MERTK: variants seen among roughly 807,000 people sequenced by gnomAD.
The protein encoded by MERTK is MER proto-oncogene, tyrosine kinase, also known as tyrosine-protein kinase Mer.
Under a neutral mutation model 99.3 loss-of-function variants are expected in MERTK, and 69 were observed. That is an observed-to-expected ratio of 0.70 (90% CI 0.57 to 0.85). The LOEUF is 0.85. MERTK is among the 40% of genes least tolerant of loss of function. MERTK has a pLI of 0.00. For missense variants in MERTK, 1,125 were observed against 1,249.4 expected (o/e 0.90, Z 1.50); for synonymous variants, 426 against 467.6 (o/e 0.91, Z 1.15).
chr2:111,965,238 G>A lies in MERTK; in HGVS notation c.805G>A (p.Gly269Arg). 1 of 1,614,218 alleles carries A rather than the reference G, an allele frequency of 6.2e-7. No homozygotes were observed. The highest frequency in any genetic ancestry group is 8.5e-7 in the Non-Finnish European group (1 of 1,180,040). Residue 269 changes from glycine (G) to arginine (R), a missense_variant, in exon 5 of 19, where the codon GGG (glycine) becomes AGG (arginine). Physicochemically the swap from Gly to Arg is moderately radical, Grantham distance 125. Transcript: ENST00000295408. ...CAGTTGTGAGGCCCACAATGACAAA[G>A]GGCTGACCGTGTCCAAGGGAGTGCA... ...VFSCEAHNDK[G>R]LTVSKGVQIN...
At chr2:111,998,122 C>T (rs34527376) in intron 10 of MERTK, among the ~76,000 whole-genome samples, 35,003 of 152,092 alleles carry the variant, frequency 0.23, 4,350 homozygotes, top group Middle Eastern at 0.36. Flanking sequence ...TTGCCATAGG[C>T]GTGGGAAGGG....
At chr2:111,969,485 A>G (rs1476144489) in intron 6 of MERTK, among the ~76,000 whole-genome samples, 2 of 152,210 alleles carry the variant, frequency 1.3e-5, no homozygotes, top group Non-Finnish European at 2.9e-5. Flanking sequence ...AGTTAAAAAT[A>G]TGTTAACCTG....
At chr2:111,997,020 C>T in intron 9 of MERTK, 2 of 386,064 alleles carry the variant, frequency 5.2e-6, no homozygotes, top group South Asian at 2.6e-5. Context: ...CATGAGTTTT[C>T]TCATTGATTT....
At position 112,011,516 on chromosome 2, in the gene MERTK, C is replaced by T. The variant is rs181962556; in HGVS notation, c.2079+1450C>T. Among the ~76,000 whole-genome samples the T allele has an allele frequency of 5.3e-5, 8 of 152,296 alleles. No homozygotes were observed. In the East Asian group the frequency reaches 1.4e-3, roughly 26 times the overall value. On this transcript the variant is annotated intron_variant, in intron 15 of 18. Coordinates refer to ENST00000295408, the MANE Select transcript of MERTK (RefSeq NM_006343.3). ...CCTGTAATCCCAGCACATTGGGAGG[C>T]TGAGGCGGGGGAATCACTTGAGGTC...
At chr2:111,936,163 G>T (rs537782092) in intron 2 of MERTK, among the ~76,000 whole-genome samples, 2 of 152,016 alleles carry the variant, frequency 1.3e-5, no homozygotes, top group African/African-American at 4.8e-5. Flanking sequence ...TGATCTGCCC[G>T]CCTCGGCCTC....
intron 3 of MERTK, among the ~76,000 whole-genome samples, chr2:111,946,448 C>T (rs763954932): frequency 6.6e-6 from 1 of 152,126 alleles, no homozygotes; most frequent in South Asian, 2.1e-4. Flanking sequence ...TAGCTGGACT[C>T]GTTATATTTT....
At chr2:111,978,251 G>C (rs1034640955) in intron 7 of MERTK, among the ~76,000 whole-genome samples, 1 of 151,834 alleles carries the variant, frequency 6.6e-6, no homozygotes, top group Non-Finnish European at 1.5e-5. Context: ...CTGAGTTCAA[G>C]CAATTCTCCT....
At chr2:111,904,376 A>C (rs1342713518) in intron 1 of MERTK, among the ~76,000 whole-genome samples, 2 of 131,936 alleles carry the variant, frequency 1.5e-5, no homozygotes, top group Non-Finnish European at 3.3e-5. Flanking sequence ...CATCCAGAAA[A>C]TTCTTTTTTT....
At chr2:112,025,317 C>T (rs915206026) in intron 18 of MERTK, among the ~76,000 whole-genome samples, 1 of 152,158 alleles carries the variant, frequency 6.6e-6, no homozygotes, top group African/African-American at 2.4e-5. Context: ...CTCTCCGGGA[C>T]TCACCTGATG....
chr2:112,019,207 A>G, intron 15 of MERTK: 1 of 689,046 alleles, frequency 1.5e-6, no homozygotes. Context: ...AGAGAATATG[A>G]TGTTTGCCAA....
chr2:111,973,730 T>A lies in MERTK; in HGVS notation c.961-1559T>A, dbSNP rs529824307. Among the ~76,000 whole-genome samples, 3 of 152,084 alleles carry A rather than the reference T, an allele frequency of 2.0e-5. No individual in the cohort carries two copies. The South Asian group carries it at 6.2e-4, about 32-fold the overall frequency. On this transcript the variant is annotated intron_variant, in intron 6 of 18. Coordinates refer to ENST00000295408, the MANE Select transcript of MERTK (RefSeq NM_006343.3). ...ATATTACAGAAATTTTGAAAAAGCATGTAATGGAGAACAAAATCCCATACT... is the reference window on the plus strand; with the variant it reads ...ATATTACAGAAATTTTGAAAAAGCAAGTAATGGAGAACAAAATCCCATACT...
chr2:111,918,975 G>C (rs1358433658), intron 1 of MERTK, among the ~76,000 whole-genome samples: 1 of 152,152 alleles, frequency 6.6e-6, no homozygotes, highest in Non-Finnish European at 1.5e-5. Flanking sequence ...GTCTTGGGGA[G>C]AATCAACCCC....
At chr2:111,929,903 T>C (rs1232750916) in intron 2 of MERTK, among the ~76,000 whole-genome samples, 1 of 152,140 alleles carries the variant, frequency 6.6e-6, no homozygotes, top group East Asian at 1.9e-4. Flanking sequence ...GCCAGGCCTC[T>C]TCCTTTCTTT....
chr2:111,968,308 G>C, intron 6 of MERTK, 56 bp downstream of exon 6: 1 of 1,432,170 alleles, frequency 7.0e-7, no homozygotes, highest in Non-Finnish European at 9.8e-7. Context: ...GTGGGTTTAA[G>C]GATTTTTCTT....
At chr2:111,952,534 G>A (rs4848899) in intron 4 of MERTK, 35,217 of 152,540 alleles carry the variant, frequency 0.23, 4,375 homozygotes, top group Middle Eastern at 0.35. Context: ...CTAAAACTCT[G>A]TAAAGTCTAT....
intron 7 of MERTK, among the ~76,000 whole-genome samples, chr2:111,977,651 C>T (rs758373520): frequency 7.4e-4 from 113 of 151,946 alleles, no homozygotes; most frequent in Admixed American, 2.6e-4. Flanking sequence ...TTTCTGTTTC[C>T]ACCTATCCTC....
intron 7 of MERTK, among the ~76,000 whole-genome samples, chr2:111,977,456 T>G (rs991284304): frequency 3.3e-5 from 5 of 152,190 alleles, no homozygotes; most frequent in African/African-American, 4.8e-5. Flanking sequence ...TTCCTCTGTA[T>G]GTAATGTGTC....
In MERTK at chr2:111,975,382, C is replaced by T. The variant is rs199942623; in HGVS notation, c.1054C>T (p.Leu352=). 6.2e-7 allele frequency: 1 copy of T among 1,614,162 alleles called. No individual in the cohort carries two copies. Among genetic ancestry groups the T allele is most frequent in the African/African-American group, 1.3e-5 (1 of 75,030 alleles). ...GTACCAAATCAAGCAGCTGCAAGCC[C>T]TGGCTAATTACAGCATTGGTGTTTC... ...HLYQIKQLQA[L]ANYSIGVSCM... is the part of the protein sequence containing the mutation. Residue 352 remains leucine, a synonymous_variant, in exon 7 of 19, where the codon CTG becomes TTG. Coordinates refer to ENST00000295408, the MANE Select transcript of MERTK (RefSeq NM_006343.3).
chr2:111,949,687 G>A (rs529181364), intron 4 of MERTK, among the ~76,000 whole-genome samples: 2 of 152,132 alleles, frequency 1.3e-5, no homozygotes, highest in South Asian at 2.1e-4. Flanking sequence ...CTACCACCTC[G>A]GTCAAGATAT....
Sources: allele counts gnomAD v4.1 joint callset (sites outside exome capture counted in the v4.1 genomes callset), GRCh38; gene constraint gnomAD v4.1.1; transcripts MANE v1.5; gene names NCBI Gene and HGNC (gene_info 2026-07-23, HGNC 2026-07-21).